LMBR1: variants seen among roughly 807,000 people sequenced by gnomAD.
LMBR1 encodes limb development membrane protein 1.
In LMBR1, 52 loss-of-function variants were observed where a neutral mutation model predicts 73.9. The ratio of observed to expected loss-of-function variants is 0.70; its 90% CI spans 0.56 to 0.89. The LOEUF (loss-of-function observed/expected upper bound fraction) is 0.89. LMBR1 is among the 40% of genes least tolerant of loss of function. The pLI, the probability that LMBR1 is intolerant of heterozygous loss-of-function variation, is 0.00. For missense variants in LMBR1, 539 were observed against 579.8 expected (o/e 0.93, Z 0.72); for synonymous variants, 215 against 209.4 (o/e 1.03, Z -0.23).
intron 1 of LMBR1, among the ~76,000 whole-genome samples, chr7:156,878,912 C>T (rs1800628880): frequency 2.0e-5 from 3 of 152,160 alleles, no homozygotes; most frequent in Admixed American, 2.0e-4. Context: ...ATACAGCCAA[C>T]TGATCTTTAA....
At chr7:156,799,408 T>C (rs892809704) in intron 4 of LMBR1, among the ~76,000 whole-genome samples, 4 of 152,206 alleles carry the variant, frequency 2.6e-5, no homozygotes, top group African/African-American at 7.2e-5. Flanking sequence ...ACATTTTCAC[T>C]ATTATTACAT....
intron 14 of LMBR1, among the ~76,000 whole-genome samples, chr7:156,724,468 GT>G (rs1815287267): frequency 6.6e-6 from 1 of 152,078 alleles, no homozygotes; most frequent in Admixed American, 6.6e-5. Context: ...GATTGCAGCT[GT>G]TACTTTCAAA....
intron 1 of LMBR1, among the ~76,000 whole-genome samples, chr7:156,872,373 C>T (rs753904207): frequency 6.6e-6 from 1 of 152,074 alleles, no homozygotes; most frequent in Non-Finnish European, 1.5e-5. Flanking sequence ...ATAGGCCAGG[C>T]ATGGTAGCTC....
At chr7:156,715,497 A>G (rs950479137) in intron 15 of LMBR1, among the ~76,000 whole-genome samples, 2 of 152,220 alleles carry the variant, frequency 1.3e-5, no homozygotes, top group Non-Finnish European at 2.9e-5. Flanking sequence ...TAAAATACAT[A>G]TAACATGAAA....
intron 4 of LMBR1, among the ~76,000 whole-genome samples, chr7:156,801,946 T>C (rs1425463742): frequency 6.6e-6 from 1 of 152,200 alleles, no homozygotes; most frequent in African/African-American, 2.4e-5. Context: ...CCTTCTAATA[T>C]GCTGTAATGT....
intron 4 of LMBR1, among the ~76,000 whole-genome samples, chr7:156,812,308 T>G (rs1833227645): frequency 6.6e-6 from 1 of 151,486 alleles, no homozygotes; most frequent in South Asian, 2.1e-4. Context: ...CATGTGATTT[T>G]TAAACACACA....
intron 4 of LMBR1, among the ~76,000 whole-genome samples, chr7:156,810,403 C>CA (rs1832892724): frequency 1.3e-5 from 2 of 151,914 alleles, no homozygotes; most frequent in East Asian, 3.9e-4. Flanking sequence ...ATTTCTCTCT[C>CA]TTTTTTTGAG....
chr7:156,698,084 G>A (rs1245489095), intron 15 of LMBR1, among the ~76,000 whole-genome samples: 2 of 152,148 alleles, frequency 1.3e-5, no homozygotes, highest in Non-Finnish European at 1.5e-5. Context: ...GATGCTACAG[G>A]CCACAGACAA....
chr7:156,698,008 C>T lies in LMBR1; in HGVS notation c.1226-9817G>A, dbSNP rs1047720972. Among the ~76,000 whole-genome samples, 15 of 152,306 alleles carry T rather than the reference C, an allele frequency of 9.8e-5. 1 individual carries two copies. Among genetic ancestry groups the T allele is most frequent in the Admixed American group, 5.9e-4 (9 of 15,294 alleles). On this transcript the variant is annotated intron_variant, in intron 15 of 16. Transcript: ENST00000353442. ...CCTCCATTCGTGGTCCGTGACTTCCCGCAACAGGGATACAGGCATTGGGTA... is the reference window on the plus strand; with the variant it reads ...CCTCCATTCGTGGTCCGTGACTTCCTGCAACAGGGATACAGGCATTGGGTA...
At chr7:156,844,121 T>C (rs1839189882) in intron 1 of LMBR1, among the ~76,000 whole-genome samples, 1 of 151,854 alleles carries the variant, frequency 6.6e-6, no homozygotes, top group Non-Finnish European at 1.5e-5. Context: ...GGTCAAAAGT[T>C]CAAGACCAGC....
In LMBR1 at chr7:156,866,853, T is replaced by C. The variant is rs376989570; in HGVS notation, c.66+26075A>G. 7.9e-5 allele frequency among the ~76,000 whole-genome samples: 12 copies of C among 152,188 alleles called. No individual in the cohort carries two copies. In the South Asian group the frequency reaches 2.5e-3, roughly 32 times the overall value. On this transcript the variant is annotated intron_variant, in intron 1 of 16. Coordinates refer to ENST00000353442, the MANE Select transcript of LMBR1 (RefSeq NM_022458.4). ...TCCTGACCTCATGATCCACCCGCCTTGGCCTCCCAAAGTGCTGGGATTACA... is the reference window on the plus strand; with the variant it reads ...TCCTGACCTCATGATCCACCCGCCTCGGCCTCCCAAAGTGCTGGGATTACA...
Position 156,684,143 on chromosome 7 carries a change from G to A in LMBR1, c.1408C>T (p.Pro470Ser), listed in dbSNP as rs369873566. The A allele has an allele frequency of 2.7e-4, 434 of 1,613,832 alleles. No individual in the cohort carries two copies. Among genetic ancestry groups the A allele is most frequent in the Non-Finnish European group, 3.6e-4 (423 of 1,179,882 alleles). The change falls in exon 17 of 17, where the codon CCA becomes TCA. Residue 470 changes from proline (P) to serine (S), a missense_variant. Transcript: ENST00000353442. ...KALGLHKLHL[P>S]NTSRDSETAK... ...GTTTCTGAATCCCTTGAAGTATTTG[G>A]TAAGTGAAGTTTATGAAGCCCTGCA...
intron 15 of LMBR1, among the ~76,000 whole-genome samples, chr7:156,721,094 T>C (rs373471276): frequency 5.9e-5 from 9 of 152,222 alleles, no homozygotes; most frequent in Admixed American, 3.3e-4. Context: ...AAATTCAAGC[T>C]GATTTGAAAG....
intron 9 of LMBR1, among the ~76,000 whole-genome samples, chr7:156,743,105 A>C (rs1306390637): frequency 6.6e-6 from 1 of 152,200 alleles, no homozygotes; most frequent in Non-Finnish European, 1.5e-5. Context: ...AAGATGTGGC[A>C]ATCAAACCAT....
intron 1 of LMBR1, among the ~76,000 whole-genome samples, chr7:156,841,319 G>C (rs1023778700): frequency 1.3e-4 from 19 of 151,862 alleles, no homozygotes; most frequent in African/African-American, 4.6e-4. Flanking sequence ...TGGGCAGTTG[G>C]ATAAAAATCT....
chr7:156,797,372 T>C (rs1189942855), intron 4 of LMBR1, among the ~76,000 whole-genome samples: 3 of 152,222 alleles, frequency 2.0e-5, no homozygotes, highest in Non-Finnish European at 4.4e-5. Flanking sequence ...TGATAATCAT[T>C]ACAAAAGTTT....
chr7:156,696,236 CT>C (rs1417195099), intron 15 of LMBR1, among the ~76,000 whole-genome samples: 1 of 152,180 alleles, frequency 6.6e-6, no homozygotes, highest in African/African-American at 2.4e-5. Flanking sequence ...TTAAGGATGT[CT>C]GCTTGTTCAA....
intron 1 of LMBR1, chr7:156,892,713 A>AGGAAG: frequency 3.1e-6 from 1 of 321,170 alleles, no homozygotes; most frequent in Non-Finnish European, 5.5e-6. Context: ...GGGCAGGCAG[A>AGGAAG]GGAAGCGAAG....
rs1464850007 is a variant in LMBR1, at chr7:156,826,657, A to G, written c.267T>C (p.Leu89=). Residue 89 remains leucine, a synonymous_variant, in exon 4 of 17, where the codon CTT becomes CTC. Coordinates refer to ENST00000353442, the MANE Select transcript of LMBR1 (RefSeq NM_022458.4). ...PFSIISNEIL[L]SFPQNYYIQW... ...GAATATAGTAGTTCTGAGGAAAAGA[A>G]AGCAGGATTTCATTGCTGATGATTG... The G allele has an allele frequency of 6.2e-7, 1 of 1,604,832 alleles. No individual in the cohort carries two copies. Among genetic ancestry groups the G allele is most frequent in the Non-Finnish European group, 8.5e-7 (1 of 1,174,936 alleles).
Sources: allele counts gnomAD v4.1 joint callset (sites outside exome capture counted in the v4.1 genomes callset), GRCh38; gene constraint gnomAD v4.1.1; transcripts MANE v1.5; gene names NCBI Gene and HGNC (gene_info 2026-07-23, HGNC 2026-07-21).